The following C2orf42 variants were observed in gnomAD, a reference collection of about 807,000 sequenced individuals.
The protein encoded by C2orf42 is chromosome 2 open reading frame 42.
Under a neutral mutation model 58.9 loss-of-function variants are expected in C2orf42, and 44 were observed. The ratio of observed to expected loss-of-function variants is 0.75; its 90% CI spans 0.59 to 0.96. The LOEUF is 0.96. C2orf42 is among the 40% of genes least tolerant of loss of function. C2orf42 has a pLI of 0.00. For missense variants in C2orf42, 630 were observed against 699.2 expected, an observed-to-expected ratio of 0.90 and a Z score of 1.12; for synonymous variants, 239 against 265.4, an observed-to-expected ratio of 0.90 and a Z score of 0.97.
intron 9 of C2orf42, among the ~76,000 whole-genome samples, chr2:70,156,531 A>C (rs1336170474): frequency 1.3e-5 from 2 of 152,062 alleles, no homozygotes; most frequent in Non-Finnish European, 2.9e-5. Context: ...GTCACAAAAA[A>C]GTTAAAACTA....
At chr2:70,182,311 G>C (rs1185037478) in intron 2 of C2orf42, 2 of 199,568 alleles carry the variant, frequency 1.0e-5, no homozygotes, top group African/African-American at 4.7e-5. Context: ...TGTTGGCCAG[G>C]CTGGCCTCGA....
chr2:70,170,781 G>C (rs1249321055), intron 5 of C2orf42, among the ~76,000 whole-genome samples: 3 of 150,322 alleles, frequency 2.0e-5, no homozygotes, highest in Non-Finnish European at 4.4e-5. Context: ...TACGAAATGA[G>C]AAGCAACACT....
At chr2:70,170,890 T>G (rs952160846) in intron 5 of C2orf42, among the ~76,000 whole-genome samples, 2 of 151,174 alleles carry the variant, frequency 1.3e-5, no homozygotes, top group Admixed American at 6.6e-5. Flanking sequence ...CCGAGGCGGG[T>G]GGATCATGAG....
chr2:70,166,125 G>A (rs1240116311), intron 6 of C2orf42, among the ~76,000 whole-genome samples: 2 of 151,592 alleles, frequency 1.3e-5, no homozygotes, highest in South Asian at 2.1e-4. Context: ...TCCTGACCTC[G>A]TGATCCACCC....
chr2:70,166,883 G>A lies in C2orf42; in HGVS notation c.1145-1248C>T, dbSNP rs1043751161. On this transcript the variant is annotated intron_variant, in intron 6 of 9. Coordinates refer to ENST00000264434, the MANE Select transcript of C2orf42 (RefSeq NM_017880.3). ...ATTCCCTTTTGCTCGCTATCCCCAG[G>A]TTCTTGCTATTTGCATTCATGTCTA... Among the ~76,000 whole-genome samples, 9 of 152,070 alleles carry A rather than the reference G, an allele frequency of 5.9e-5. No homozygotes were observed. The South Asian group carries it at 8.3e-4, about 14-fold the overall frequency.
chr2:70,160,743 C>T lies in C2orf42; in HGVS notation c.1398G>A (p.Gly466=). The T allele has an allele frequency of 1.2e-6, 2 of 1,611,164 alleles. No homozygotes were observed. Among genetic ancestry groups the T allele is most frequent in the Non-Finnish European group, 1.7e-6 (2 of 1,178,684 alleles). The change falls in exon 9 of 10, where the codon GGG becomes GGA. Residue 466 remains glycine, a synonymous_variant. Coordinates refer to ENST00000264434, the MANE Select transcript of C2orf42 (RefSeq NM_017880.3). ...TAGGGCATTTAAATAGCTCATAAGT[C>T]CCATCTCGGTTCTGGATAAAGCTAC... is the stretch of plus-strand genomic sequence containing the variant. ...ITRSFIQNRD[G]TYELFKCPKV...
At chr2:70,160,865 C>G in intron 8 of C2orf42, 78 bp from the exon 9 acceptor site, 1 of 843,966 alleles carries the variant, frequency 1.2e-6, no homozygotes, top group Non-Finnish European at 1.8e-6. Flanking sequence ...GACGACAAAT[C>G]TTTTATTATT....
At chr2:70,150,681 G>A (rs1174164563) in intron 9 of C2orf42, 117 bp from the exon 10 acceptor site, 20 of 675,280 alleles carry the variant, frequency 3.0e-5, no homozygotes, top group Middle Eastern at 3.1e-4. Flanking sequence ...TCAGAAGGCC[G>A]AATGAGGTTT....
chr2:70,161,272 T>C (rs1211870652), intron 8 of C2orf42, among the ~76,000 whole-genome samples: 1 of 152,172 alleles, frequency 6.6e-6, no homozygotes, highest in African/African-American at 2.4e-5. Context: ...TCTCAGAGCC[T>C]GTTTTCTCAC....
At position 70,181,494 on chromosome 2, in the gene C2orf42, T is replaced by C; in HGVS notation, c.492A>G (p.Glu164=). The C allele has an allele frequency of 6.2e-7, 1 of 1,613,674 alleles. No homozygotes were observed. The highest frequency in any genetic ancestry group is 8.5e-7 in the Non-Finnish European group (1 of 1,180,014). Residue 164 remains glutamate, a synonymous_variant, in exon 3 of 10, where the codon GAA becomes GAG. Transcript: ENST00000264434. ...SVLNAMQASP[E]TKQTIWQLAT... ...CCAACTGCCAGATGGTCTGTTTGGTTTCCGGGGAGGCCTGCATTGCATTCA... is the reference window on the plus strand; with the variant it reads ...CCAACTGCCAGATGGTCTGTTTGGTCTCCGGGGAGGCCTGCATTGCATTCA...
intron 1 of C2orf42, chr2:70,190,716 C>A (rs1438660523): frequency 6.6e-6 from 1 of 152,254 alleles, no homozygotes; most frequent in East Asian, 1.9e-4. Flanking sequence ...CGGGATGGGT[C>A]TGCAGCGACA....
intron 1 of C2orf42, chr2:70,190,186 G>C (rs1419034332): frequency 1.3e-5 from 2 of 152,234 alleles, no homozygotes; most frequent in East Asian, 1.9e-4. Context: ...TTTGAAACCT[G>C]AAAGATCTGC....
chr2:70,173,760 G>A (rs1399656405), intron 5 of C2orf42, among the ~76,000 whole-genome samples: 1 of 151,830 alleles, frequency 6.6e-6, no homozygotes, highest in Non-Finnish European at 1.5e-5. Context: ...GAGTTTACAG[G>A]CATGTGACAC....
intron 1 of C2orf42, among the ~76,000 whole-genome samples, chr2:70,184,740 C>G (rs1488391396): frequency 6.6e-6 from 1 of 152,020 alleles, no homozygotes; most frequent in Non-Finnish European, 1.5e-5. Context: ...CTCGGCCTCC[C>G]AAAGTTCTGG....
At position 70,181,943 on chromosome 2, in the gene C2orf42, A is replaced by G. The variant is rs779508148; in HGVS notation, c.43T>C (p.Ser15Pro). ...SLRTKVPAFL[S>P]DLGKATLRGI... The stretch of plus-strand genomic sequence containing the variant: ...CTCAATGTGGCCTTCCCCAAATCAG[A>G]TAAGAAAGCTGGGACTTTAGTCCTC... The change falls in exon 3 of 10, where the codon TCT becomes CCT. Residue 15 changes from serine (S) to proline (P), a missense_variant. By Grantham distance (74) the Ser-to-Pro change is moderately conservative. Coordinates refer to ENST00000264434, the MANE Select transcript of C2orf42 (RefSeq NM_017880.3). 1.9e-6 allele frequency: 3 copies of G among 1,613,602 alleles called. No homozygotes were observed. Among genetic ancestry groups the G allele is most frequent in the Admixed American group, 3.3e-5 (2 of 59,878 alleles).
At chr2:70,150,624 T>A in intron 9 of C2orf42, 60 bp from the exon 10 acceptor site, 1 of 1,315,512 alleles carries the variant, frequency 7.6e-7, no homozygotes, top group Admixed American at 1.8e-5. Flanking sequence ...TGTTCCTAAT[T>A]GCAAAAAAAG....
intron 9 of C2orf42, among the ~76,000 whole-genome samples, chr2:70,158,423 ATTATTTATTTAT>A (rs544757170): frequency 1.3e-5 from 2 of 151,494 alleles, no homozygotes; most frequent in African/African-American, 4.9e-5. Context: ...TATTCCTTTT[ATTATTTATTTAT>A]TTATTTATTT....
intron 2 of C2orf42, 98 bp from the exon 3 acceptor site, chr2:70,182,095 A>G (rs984490514): frequency 7.7e-6 from 5 of 650,256 alleles, no homozygotes; most frequent in Non-Finnish European, 1.3e-5. Context: ...AATATAAAAA[A>G]GCTATCTACT....
At chr2:70,183,273 TA>T (rs1320270223) in intron 1 of C2orf42, among the ~76,000 whole-genome samples, 2 of 151,876 alleles carry the variant, frequency 1.3e-5, no homozygotes, top group Non-Finnish European at 2.9e-5. Context: ...CTCATTTCTA[TA>T]AAAAAATTTA....
Sources: gnomAD v4.1 joint callset for allele counts (sites outside exome capture counted in the v4.1 genomes callset) on GRCh38, gnomAD v4.1.1 for gene constraint, MANE v1.5 for transcripts, NCBI Gene and HGNC (gene_info 2026-07-23, HGNC 2026-07-21) for gene names.